NTM: variants seen among roughly 807,000 people sequenced by gnomAD.
The protein encoded by NTM is IgLON family member 2.
A neutral mutation model predicts 42.1 loss-of-function variants in NTM; 13 were observed. The observed-to-expected ratio is 0.31, with a 90% confidence interval of 0.20 to 0.49. The LOEUF (loss-of-function observed/expected upper bound fraction) is 0.49, where lower values mean the gene tolerates loss of function less well. NTM is among the 20% of genes least tolerant of loss of function. The pLI is 0.99. For missense variants in NTM, 373 were observed against 452.8 expected, an observed-to-expected ratio of 0.82 and a Z score of 1.60; for synonymous variants, 187 against 179.2, an observed-to-expected ratio of 1.04 and a Z score of -0.35.
rs868415898 is a variant in NTM at position 131,598,877 on chromosome 11, T to C, written c.82+227989T>C. 2.6e-3 allele frequency among the ~76,000 whole-genome samples: 78 copies of C among 29,494 alleles called. 3 individuals carry two copies. Among genetic ancestry groups the C allele is most frequent in the African/African-American group, 6.9e-3 (58 of 8,420 alleles). 19.3% of individuals were successfully genotyped at this position (29,494 alleles called of 152,430 possible). A position where few individuals can be genotyped will look rare whatever the true frequency, so the allele number is the denominator to read the frequency against. On this transcript the variant is annotated intron_variant, in intron 1 of 8. Coordinates refer to ENST00000683400, the MANE Select transcript of NTM (RefSeq NM_001352005.2). ...CCTTCCTTCCTTCCTTCCTTCCTTC[T>C]TCCTTCCTTCCTTCCTTCCTTCCTT...
intron 4 of NTM, among the ~76,000 whole-genome samples, chr11:132,302,531 A>ACTT (rs1177074252): frequency 6.6e-6 from 1 of 152,136 alleles, no homozygotes; most frequent in Non-Finnish European, 1.5e-5. Context: ...GGGGTCTCTG[A>ACTT]CTTTTTTTCA....
chr11:131,437,740 A>G (rs151112429), intron 1 of NTM, among the ~76,000 whole-genome samples: 2,435 of 152,216 alleles, frequency 0.016, 36 homozygotes, highest in Middle Eastern at 0.044. Context: ...TCTTTATCCA[A>G]TTTGCCAGTG....
At chr11:131,787,311 C>G (rs908774366) in intron 1 of NTM, among the ~76,000 whole-genome samples, 1 of 149,602 alleles carries the variant, frequency 6.7e-6, no homozygotes, top group Non-Finnish European at 1.5e-5. Context: ...AATGAAAATA[C>G]TTCACAGTAT....
chr11:131,570,757 G>T (rs2057370812), intron 1 of NTM, among the ~76,000 whole-genome samples: 1 of 152,226 alleles, frequency 6.6e-6, no homozygotes, highest in African/African-American at 2.4e-5. Context: ...CAGGAGGCAG[G>T]TGTTGCAGTG....
At chr11:131,541,275 C>A (rs2053208918) in intron 1 of NTM, among the ~76,000 whole-genome samples, 1 of 152,162 alleles carries the variant, frequency 6.6e-6, no homozygotes, top group South Asian at 2.1e-4. Flanking sequence ...ATCCCGAACC[C>A]AGCACTAACT....
At chr11:131,757,711 T>G (rs2083519163) in intron 1 of NTM, among the ~76,000 whole-genome samples, 1 of 152,162 alleles carries the variant, frequency 6.6e-6, no homozygotes, top group South Asian at 2.1e-4. Flanking sequence ...TTATGTTTGT[T>G]TTTTTCTTAA....
intron 4 of NTM, among the ~76,000 whole-genome samples, chr11:132,232,594 T>C (rs1045868118): frequency 6.6e-5 from 10 of 152,344 alleles, no homozygotes; most frequent in Admixed American, 5.9e-4. Flanking sequence ...TGGGTGACTC[T>C]TAACAAACCA....
At position 131,812,608 on chromosome 11, in the gene NTM, C is replaced by T. The variant is rs571900121; in HGVS notation, c.83-98956C>T. Among the ~76,000 whole-genome samples the T allele has an allele frequency of 5.3e-5, 8 of 152,116 alleles. No individual in the cohort carries two copies. The South Asian group carries it at 1.0e-3, about 20-fold the overall frequency. Reference sequence around the variant, plus strand: ...TGCCGAGAAGGAAAGAGCCTCCCACCGGAACTCCAGATGGCTTCTACAAAT... The same window carrying T: ...TGCCGAGAAGGAAAGAGCCTCCCACTGGAACTCCAGATGGCTTCTACAAAT... On this transcript the variant is annotated intron_variant, in intron 1 of 8. Transcript: ENST00000683400.
intron 3 of NTM, among the ~76,000 whole-genome samples, chr11:132,204,343 A>C (rs1033379754): frequency 6.6e-6 from 1 of 152,250 alleles, no homozygotes; most frequent in Admixed American, 6.5e-5. Context: ...GAGAGAATAC[A>C]GTAATTCATT....
chr11:131,652,412 C>T (rs978902659), intron 1 of NTM, among the ~76,000 whole-genome samples: 1 of 152,092 alleles, frequency 6.6e-6, no homozygotes, highest in Non-Finnish European at 1.5e-5. Flanking sequence ...AAGGTGGTGC[C>T]CCAGGCCTTG....
At chr11:131,682,576 G>C (rs1054838542) in intron 1 of NTM, among the ~76,000 whole-genome samples, 1 of 152,202 alleles carries the variant, frequency 6.6e-6, no homozygotes, top group African/African-American at 2.4e-5. Flanking sequence ...GGAGCCTGCC[G>C]GCCTTAAACC....
intron 1 of NTM, among the ~76,000 whole-genome samples, chr11:131,485,206 G>A (rs1324703748): frequency 6.6e-6 from 1 of 152,170 alleles, no homozygotes; most frequent in East Asian, 1.9e-4. Context: ...CAGGCCAAGA[G>A]GCACGTACCT....
chr11:131,853,664 C>T (rs2045815432), intron 1 of NTM, among the ~76,000 whole-genome samples: 2 of 152,180 alleles, frequency 1.3e-5, no homozygotes, highest in Non-Finnish European at 2.9e-5. Flanking sequence ...TAGGTTGGTT[C>T]CATGTCTTTG....
intron 4 of NTM, among the ~76,000 whole-genome samples, chr11:132,217,145 T>C (rs1026754505): frequency 2.6e-5 from 4 of 152,170 alleles, no homozygotes; most frequent in African/African-American, 7.2e-5. Flanking sequence ...TACCAAGTAC[T>C]CCTGTGTCTA....
chr11:132,127,303 A>G (rs1682170397), intron 2 of NTM, among the ~76,000 whole-genome samples: 1 of 152,232 alleles, frequency 6.6e-6, no homozygotes, highest in African/African-American at 2.4e-5. Context: ...ATATCCTGAT[A>G]AGCGAGTCAG....
chr11:131,464,369 G>A (rs900899757), intron 1 of NTM, among the ~76,000 whole-genome samples: 1 of 150,764 alleles, frequency 6.6e-6, no homozygotes, highest in Admixed American at 6.6e-5. Context: ...TGGGGGGGGG[G>A]CAGCAACAAG....
intron 2 of NTM, among the ~76,000 whole-genome samples, chr11:131,990,776 G>C (rs1565897168): frequency 6.6e-6 from 1 of 152,160 alleles, no homozygotes; most frequent in Non-Finnish European, 1.5e-5. Context: ...TAGCATGGAG[G>C]ATTTTGTCTG....
At chr11:131,993,199 A>G (rs961890805) in intron 2 of NTM, among the ~76,000 whole-genome samples, 1 of 152,146 alleles carries the variant, frequency 6.6e-6, no homozygotes, top group Non-Finnish European at 1.5e-5. Context: ...ATAGTTTGGG[A>G]GAGAGAGGCT....
chr11:131,795,042 G>T lies in NTM; in HGVS notation c.83-116522G>T, dbSNP rs371560437. 25 of 962,034 alleles carry T rather than the reference G, an allele frequency of 2.6e-5. No individual in the cohort carries two copies. In the East Asian group the frequency reaches 2.2e-3, roughly 85 times the overall value. 59.6% of individuals were successfully genotyped at this position (962,034 alleles called of 1,614,324 possible). On this transcript the variant is annotated intron_variant, in intron 1 of 8. Coordinates refer to ENST00000683400, the MANE Select transcript of NTM (RefSeq NM_001352005.2). ...CCTTCCTGGACCCTGTAGCCAAAGGGGGGGAAAAAAACAGCACTAGTGATG... is the reference window on the plus strand; with the variant it reads ...CCTTCCTGGACCCTGTAGCCAAAGGTGGGGAAAAAAACAGCACTAGTGATG...
Sources: gnomAD v4.1 joint callset for allele counts (sites outside exome capture counted in the v4.1 genomes callset) on GRCh38, gnomAD v4.1.1 for gene constraint, MANE v1.5 for transcripts, NCBI Gene and HGNC (gene_info 2026-07-23, HGNC 2026-07-21) for gene names.